Variants in LDB2 observed in about 807,000 individuals in gnomAD.
LDB2 encodes LIM domain binding 2.
A neutral mutation model predicts 44.3 loss-of-function variants in LDB2; 12 were observed. The observed-to-expected ratio is 0.27, with a 90% CI of 0.17 to 0.44. LDB2 has a LOEUF of 0.44. Among genes scored for constraint, LDB2 ranks in the 20% least tolerant of loss-of-function variants. LDB2 has a pLI of 1.00. For missense variants in LDB2, 344 were observed against 473.5 expected (o/e 0.73, Z 2.54); for synonymous variants, 164 against 174.8 (o/e 0.94, Z 0.49).
chr4:16,737,013 T>A (rs2108972043), intron 2 of LDB2, among the ~76,000 whole-genome samples: 1 of 152,250 alleles, frequency 6.6e-6, no homozygotes, highest in South Asian at 2.1e-4. Context: ...CATAGATATT[T>A]TGTATAAGTA....
chr4:16,657,626 C>A (rs1181192905), intron 2 of LDB2, among the ~76,000 whole-genome samples: 2 of 152,180 alleles, frequency 1.3e-5, no homozygotes, highest in Admixed American at 1.3e-4. Flanking sequence ...TTTTTTCACT[C>A]TCTCCCCACA....
chr4:16,897,946 G>GTATA (rs35836810), intron 1 of LDB2, among the ~76,000 whole-genome samples: 464 of 27,758 alleles, frequency 0.017, 7 homozygotes, highest in South Asian at 0.026. Flanking sequence ...ATACACATAT[G>GTATA]TATATATATA....
At chr4:16,548,023 A>G (rs1736368176) in intron 5 of LDB2, among the ~76,000 whole-genome samples, 1 of 151,306 alleles carries the variant, frequency 6.6e-6, no homozygotes, top group South Asian at 2.1e-4. Context: ...CAGTGGCGTC[A>G]TCTTGGCTCA....
intron 1 of LDB2, among the ~76,000 whole-genome samples, chr4:16,857,385 T>C (rs888387457): frequency 3.3e-5 from 5 of 152,204 alleles, no homozygotes; most frequent in East Asian, 3.9e-4. Flanking sequence ...TCCAGACGGA[T>C]AGCCCTGCTT....
intron 2 of LDB2, among the ~76,000 whole-genome samples, chr4:16,746,833 T>C (rs1235709121): frequency 6.6e-6 from 1 of 151,976 alleles, no homozygotes; most frequent in African/African-American, 2.4e-5. Flanking sequence ...GGAAGTGAAA[T>C]GTAATCATAT....
chr4:16,779,059 T>C (rs1772576192), intron 1 of LDB2, among the ~76,000 whole-genome samples: 1 of 152,192 alleles, frequency 6.6e-6, no homozygotes, highest in African/African-American at 2.4e-5. Context: ...TACTTCTCTC[T>C]TGTGTTCTTT....
chr4:16,571,963 C>T (rs1011584641), intron 5 of LDB2, among the ~76,000 whole-genome samples: 16 of 152,084 alleles, frequency 1.1e-4, no homozygotes, highest in East Asian at 3.9e-4. Context: ...TAGGGACAGA[C>T]GATGAGGCCA....
intron 2 of LDB2, among the ~76,000 whole-genome samples, chr4:16,693,946 A>G (rs1751485101): frequency 6.6e-6 from 1 of 152,220 alleles, no homozygotes; most frequent in Admixed American, 6.5e-5. Flanking sequence ...AGTCCACTTC[A>G]TTATATACAG....
At chr4:16,809,404 C>T (rs923480385) in intron 1 of LDB2, among the ~76,000 whole-genome samples, 4 of 152,090 alleles carry the variant, frequency 2.6e-5, no homozygotes, top group South Asian at 2.1e-4. Flanking sequence ...CTGTCCAGGA[C>T]TGAGGGTGAG....
intron 1 of LDB2, among the ~76,000 whole-genome samples, chr4:16,765,437 C>G (rs1423733204): frequency 1.3e-5 from 2 of 152,206 alleles, no homozygotes; most frequent in African/African-American, 2.4e-5. Context: ...TTCACTGTCT[C>G]CTGTACTAGG....
chr4:16,712,187 A>C (rs1430858229), intron 2 of LDB2, among the ~76,000 whole-genome samples: 1 of 152,204 alleles, frequency 6.6e-6, no homozygotes, highest in Admixed American at 6.5e-5. Flanking sequence ...TTGTATCCAG[A>C]ATATATAAAG....
At chr4:16,866,858 A>G (rs1211446516) in intron 1 of LDB2, among the ~76,000 whole-genome samples, 1 of 152,216 alleles carries the variant, frequency 6.6e-6, no homozygotes, top group Non-Finnish European at 1.5e-5. Flanking sequence ...GTATTTTCCA[A>G]ACATGGCCAC....
intron 2 of LDB2, among the ~76,000 whole-genome samples, chr4:16,649,423 A>G (rs1429824119): frequency 1.3e-5 from 2 of 152,232 alleles, no homozygotes; most frequent in African/African-American, 4.8e-5. Flanking sequence ...TGAGAGAGAG[A>G]GAGAGAACTA....
chr4:16,577,513 A>G (rs1712190987), intron 5 of LDB2, among the ~76,000 whole-genome samples: 1 of 152,176 alleles, frequency 6.6e-6, no homozygotes, highest in African/African-American at 2.4e-5. Flanking sequence ...GAATTAACCA[A>G]GTAAGTGAAA....
intron 5 of LDB2, among the ~76,000 whole-genome samples, chr4:16,532,385 G>A (rs555667467): frequency 7.9e-5 from 12 of 152,300 alleles, no homozygotes; most frequent in Non-Finnish European, 1.3e-4. Context: ...GAGCCATTGC[G>A]CATGGTGATA....
At chr4:16,725,303 CAGAG>C (rs374357073) in intron 2 of LDB2, among the ~76,000 whole-genome samples, 7 of 151,022 alleles carry the variant, frequency 4.6e-5, no homozygotes, top group Admixed American at 1.3e-4. Context: ...GAGAGAAAGA[CAGAG>C]AGAGAGAGAG....
intron 2 of LDB2, among the ~76,000 whole-genome samples, chr4:16,609,754 C>G (rs954091547): frequency 6.6e-6 from 1 of 152,194 alleles, no homozygotes; most frequent in African/African-American, 2.4e-5. Context: ...TCTCTGCTGA[C>G]CAGCAGACTT....
At chr4:16,736,335 C>T (rs892654603) in intron 2 of LDB2, among the ~76,000 whole-genome samples, 2 of 152,230 alleles carry the variant, frequency 1.3e-5, no homozygotes, top group African/African-American at 4.8e-5. Context: ...AGACTCAACA[C>T]ACAACACTCC....
At chr4:16,714,811 G>C (rs1206039845) in intron 2 of LDB2, among the ~76,000 whole-genome samples, 1 of 151,876 alleles carries the variant, frequency 6.6e-6, no homozygotes, top group Non-Finnish European at 1.5e-5. Flanking sequence ...CCTAATCCCT[G>C]TCTCTGTCTT....
Sources: allele counts gnomAD v4.1 joint callset (sites outside exome capture counted in the v4.1 genomes callset), GRCh38; gene constraint gnomAD v4.1.1; transcripts MANE v1.5; gene names NCBI Gene and HGNC (gene_info 2026-07-23, HGNC 2026-07-21).